MTUS1: variants seen among roughly 807,000 people sequenced by gnomAD.
MTUS1 encodes microtubule associated scaffold protein 1, also known as microtubule-associated tumor suppressor 1.
In MTUS1, 109 loss-of-function variants were observed where a neutral mutation model predicts 120.8. The observed-to-expected ratio is 0.90, with a 90% CI of 0.77 to 1.06. The LOEUF is 1.06. MTUS1 is among the 50% of genes least tolerant of loss of function. The pLI, the probability that MTUS1 is intolerant of heterozygous loss-of-function variation, is 0.00. For synonymous variants in MTUS1, 737 were observed against 550.5 expected, an observed-to-expected ratio of 1.34 and a Z score of -4.74; for missense variants, 2,210 against 1,486.3, an observed-to-expected ratio of 1.49 and a Z score of -8.01.
chr8:17,655,202 G>C (rs1807941240), intron 9 of MTUS1, among the ~76,000 whole-genome samples: 1 of 148,452 alleles, frequency 6.7e-6, no homozygotes, highest in Non-Finnish European at 1.5e-5. Flanking sequence ...ATGAAAAACT[G>C]AGTTAAAAAG....
At chr8:17,760,803 AGG>A (rs1343240012) in intron 1 of MTUS1, among the ~76,000 whole-genome samples, 1 of 121,192 alleles carries the variant, frequency 8.3e-6, no homozygotes, top group Non-Finnish European at 1.7e-5. Context: ...AGTGTGCTGG[AGG>A]GAAAAAAAAA....
Position 17,684,409 on chromosome 8 carries a change from G to C in MTUS1, c.2757C>G (p.Ile919Met). ...AGGCAAGAAGCTGCTTGAGCTGCAGGATAAATCCACTTTGGTTTTCACATT... is the reference window on the plus strand; with the variant it reads ...AGGCAAGAAGCTGCTTGAGCTGCAGCATAAATCCACTTTGGTTTTCACATT... ...KTKCENQSGF[I>M]LQLKQLLACG... Residue 919 changes from isoleucine to methionine, a missense_variant, in exon 7 of 15, where the codon ATC becomes ATG. Physicochemically the swap from Ile to Met is conservative, Grantham distance 10. Coordinates refer to ENST00000693296, the MANE Select transcript of MTUS1 (RefSeq NM_001363059.2). 1.9e-6 allele frequency: 3 copies of C among 1,614,128 alleles called. No homozygotes were observed. The highest frequency in any genetic ancestry group is 2.5e-6 in the Non-Finnish European group (3 of 1,180,018).
chr8:17,721,949 C>G (rs1056418014), intron 4 of MTUS1: 3 of 1,575,158 alleles, frequency 1.9e-6, no homozygotes, highest in Non-Finnish European at 2.6e-6. Flanking sequence ...CAGCCATGTT[C>G]ACTCTCATAT....
At chr8:17,677,169 G>C (rs1333841172) in intron 7 of MTUS1, among the ~76,000 whole-genome samples, 1 of 152,112 alleles carries the variant, frequency 6.6e-6, no homozygotes, top group African/African-American at 2.4e-5. Context: ...TTCTAATGTA[G>C]AAATTAAAGC....
rs975471509 is a variant in MTUS1 at position 17,744,825 on chromosome 8, G to C, written c.2092-1026C>G. ...CCCAAAGGGCTGGGATTACAGGCGT[G>C]AGCCAATAACTTAATTCTTTCAACG... On this transcript the variant is annotated intron_variant, in intron 2 of 14. Transcript: ENST00000693296. 4.0e-5 allele frequency among the ~76,000 whole-genome samples: 6 copies of C among 151,772 alleles called. No homozygotes were observed. The East Asian group carries it at 1.2e-3, about 29-fold the overall frequency.
chr8:17,768,714 C>A (rs1464842988), intron 1 of MTUS1, among the ~76,000 whole-genome samples: 1 of 152,012 alleles, frequency 6.6e-6, no homozygotes, highest in African/African-American at 2.4e-5. Flanking sequence ...AAGTCTCCTA[C>A]CTCCAAAACA....
chr8:17,735,185 A>C (rs1480668742), intron 3 of MTUS1, among the ~76,000 whole-genome samples: 1 of 152,066 alleles, frequency 6.6e-6, no homozygotes, highest in East Asian at 1.9e-4. Flanking sequence ...GGTGCTTCCC[A>C]GTCTGTAGCC....
chr8:17,704,907 C>G (rs568634677), intron 6 of MTUS1, among the ~76,000 whole-genome samples: 1 of 152,288 alleles, frequency 6.6e-6, no homozygotes, highest in African/African-American at 2.4e-5. Flanking sequence ...GCTGATTTGA[C>G]AGAGCTCTAC....
At chr8:17,796,239 C>A (rs147400063) in intron 1 of MTUS1, among the ~76,000 whole-genome samples, 3 of 692 alleles carry the variant, frequency 4.3e-3, no homozygotes, top group Non-Finnish European at 0.031. Context: ...TGAGCCACCA[C>A]GCCCAGCCCC....
chr8:17,784,295 G>GTTT lies in MTUS1; in HGVS notation c.-155+16763_-155+16765dup, dbSNP rs34896566. Among the ~76,000 whole-genome samples the GTTT allele has an allele frequency of 4.9e-3, 616 of 125,398 alleles. 25 individuals carry two copies. Among genetic ancestry groups the GTTT allele is most frequent in the African/African-American group, 0.011 (380 of 33,076 alleles). The allele number at this position is 125,398 out of a possible 152,430, so 82.3% of individuals were successfully genotyped here. A position where few individuals can be genotyped will look rare whatever the true frequency, so the allele number is the denominator to read the frequency against. On this transcript the variant is annotated intron_variant, in intron 1 of 14. Transcript: ENST00000693296. Reference sequence around the variant, plus strand: ...AAACCCTGCTAATTTTCTTACAACTGTTTTTTTTTTTTTTTTTGAGATGGA... The same window carrying GTTT: ...AAACCCTGCTAATTTTCTTACAACTGTTTTTTTTTTTTTTTTTTTTGAGATGGA...
chr8:17,773,899 A>G (rs1238688568), intron 1 of MTUS1, among the ~76,000 whole-genome samples: 1 of 152,130 alleles, frequency 6.6e-6, no homozygotes, highest in Non-Finnish European at 1.5e-5. Flanking sequence ...AGCATTTCTG[A>G]GGTGGAAGCC....
At chr8:17,674,843 T>C in intron 8 of MTUS1, 1 of 1,103,480 alleles carries the variant, frequency 9.1e-7, no homozygotes, top group Non-Finnish European at 1.1e-6. Context: ...CTTTCACTAT[T>C]CTCATATGAA....
At position 17,754,146 on chromosome 8, in the gene MTUS1, G is replaced by C. The variant is rs1174210221; in HGVS notation, c.1662C>G (p.Ser554Arg). ...CATTCAAGTCAGATCTCGGTGTTCT[G>C]CTCAAGACTGTTTGTTGTCTTGAAT... is the stretch of plus-strand genomic sequence containing the variant. ...SVNSRQQTVL[S>R]RTPRSDLNAD... Residue 554 changes from serine (S) to arginine (R), a missense_variant, in exon 2 of 15, where the codon AGC (serine) becomes AGG (arginine). Coordinates refer to ENST00000693296, the MANE Select transcript of MTUS1 (RefSeq NM_001363059.2). The C allele has an allele frequency of 6.2e-7, 1 of 1,613,494 alleles. No homozygotes were observed. The highest frequency in any genetic ancestry group is 1.3e-5 in the African/African-American group (1 of 74,938).
intron 6 of MTUS1, among the ~76,000 whole-genome samples, chr8:17,707,685 C>A (rs1820446502): frequency 6.6e-6 from 1 of 152,142 alleles, no homozygotes; most frequent in South Asian, 2.1e-4. Flanking sequence ...CCAGAATAGC[C>A]ATAACTATCT....
At chr8:17,693,099 C>T (rs1817277930) in intron 6 of MTUS1, among the ~76,000 whole-genome samples, 1 of 152,184 alleles carries the variant, frequency 6.6e-6, no homozygotes, top group Non-Finnish European at 1.5e-5. Flanking sequence ...GAATTTCCAG[C>T]TTCATAGAAA....
At chr8:17,728,212 A>G (rs1159041888) in intron 3 of MTUS1, among the ~76,000 whole-genome samples, 1 of 152,224 alleles carries the variant, frequency 6.6e-6, no homozygotes, top group Non-Finnish European at 1.5e-5. Flanking sequence ...TACGTCCTAC[A>G]GATGTGCTGC....
chr8:17,755,636 A>C lies in MTUS1; in HGVS notation c.172T>G (p.Tyr58Asp), dbSNP rs1213760401. The C allele has an allele frequency of 1.2e-6, 2 of 1,614,242 alleles. No individual in the cohort carries two copies. Among genetic ancestry groups the C allele is most frequent in the Admixed American group, 1.7e-5 (1 of 60,026 alleles). ...GTAACTACAGCAGGGTCAGTTTCAT[A>C]ATCAACCACCATGTCATCTGGGTTG... The part of the protein sequence containing the change: ...SANPDDMVVD[Y>D]ETDPAVVTGE... The change falls in exon 2 of 15, where the codon TAT (tyrosine) becomes GAT (aspartate). Residue 58 changes from tyrosine (Y) to aspartate (D), a missense_variant. Coordinates refer to ENST00000693296, the MANE Select transcript of MTUS1 (RefSeq NM_001363059.2).
intron 7 of MTUS1, among the ~76,000 whole-genome samples, chr8:17,683,153 T>TC (rs1335956098): frequency 1.3e-5 from 2 of 152,042 alleles, no homozygotes; most frequent in Non-Finnish European, 2.9e-5. Flanking sequence ...GTGCCTGCAG[T>TC]CCCAGCTACT....
At chr8:17,773,391 A>G (rs771007637) in intron 1 of MTUS1, among the ~76,000 whole-genome samples, 33 of 152,208 alleles carry the variant, frequency 2.2e-4, no homozygotes, top group Non-Finnish European at 4.0e-4. Flanking sequence ...CCCAGTGTCT[A>G]TATCAATGGC....
Sources: allele counts gnomAD v4.1 joint callset (sites outside exome capture counted in the v4.1 genomes callset), GRCh38; gene constraint gnomAD v4.1.1; transcripts MANE v1.5; gene names NCBI Gene and HGNC (gene_info 2026-07-23, HGNC 2026-07-21).